The following AASDH variants were observed in gnomAD, a reference collection of about 807,000 sequenced individuals.
The protein encoded by AASDH is beta-alanine-activating enzyme.
AASDH carries 81 observed loss-of-function variants against 102.3 expected under a neutral mutation model. The observed-to-expected ratio is 0.79, with a 90% CI of 0.66 to 0.95. AASDH has a LOEUF of 0.95. Ranked by LOEUF, AASDH falls within the 40% of genes least tolerant of loss-of-function variation. The pLI is 0.00. For synonymous variants in AASDH, 398 were observed against 454.0 expected (o/e 0.88, Z 1.57); for missense variants, 1,203 against 1,266.2 (o/e 0.95, Z 0.76).
rs749719097 is a variant in AASDH at position 56,345,097 on chromosome 4, A to G, written c.2652+30T>C. 13 of 1,610,814 alleles carry G rather than the reference A, an allele frequency of 8.1e-6. No homozygotes were observed. In the South Asian group the frequency reaches 1.4e-4, roughly 18 times the overall value. Reference sequence around the variant, plus strand: ...ACTACCATTACAGGCATGCGCCACCATGCCCAGCTAATTTGAGGTCAATCC... The same window carrying G: ...ACTACCATTACAGGCATGCGCCACCGTGCCCAGCTAATTTGAGGTCAATCC... On this transcript the variant is annotated intron_variant, in intron 12 of 14. Transcript: ENST00000205214.
At chr4:56,369,863 C>T (rs1343203018) in intron 5 of AASDH, among the ~76,000 whole-genome samples, 7 of 151,114 alleles carry the variant, frequency 4.6e-5, no homozygotes, top group African/African-American at 1.7e-4. Context: ...TCTCTTGAGC[C>T]CGGGAGACAG....
In AASDH at chr4:56,354,230, C is replaced by T. The variant is rs780113040; in HGVS notation, c.1211-19G>A. ...CTGCCACCTTCCCAAGATATAAACA[C>T]CAATGTCATAAAAATCCAAGGGAAA... is the stretch of plus-strand genomic sequence containing the variant. On this transcript the variant is annotated intron_variant, in intron 7 of 14. Coordinates refer to ENST00000205214, the MANE Select transcript of AASDH (RefSeq NM_181806.4). 13 of 1,503,420 alleles carry T rather than the reference C, an allele frequency of 8.6e-6. No individual in the cohort carries two copies. The highest frequency in any genetic ancestry group is 7.1e-6 in the Non-Finnish European group (8 of 1,123,394). The allele number at this position is 1,503,420 out of a possible 1,614,324, so 93.1% of individuals were successfully genotyped here.
intron 4 of AASDH, among the ~76,000 whole-genome samples, chr4:56,373,015 G>A (rs1751927984): frequency 2.0e-5 from 3 of 152,174 alleles, no homozygotes; most frequent in South Asian, 2.1e-4. Flanking sequence ...TTCCTCCCAC[G>A]TATAGGGCAG....
chr4:56,345,953 T>G (rs755369719), intron 11 of AASDH, among the ~76,000 whole-genome samples: 7 of 152,198 alleles, frequency 4.6e-5, no homozygotes, highest in African/African-American at 1.7e-4. Flanking sequence ...ACACAGCTCA[T>G]ATGTGGCAAA....
chr4:56,387,202 T>C lies in AASDH; in HGVS notation c.-43+160A>G, dbSNP rs186780957. On this transcript the variant is annotated intron_variant, in intron 1 of 14. Transcript: ENST00000205214. ...GAGTGTACACACAGGTCAGGGTTAG[T>C]CTGCACCACACCAGCACGCCAGACC... Among the ~76,000 whole-genome samples, 288 of 152,254 alleles carry C rather than the reference T, an allele frequency of 1.9e-3. 2 individuals are homozygous for C. Among genetic ancestry groups the C allele is most frequent in the African/African-American group, 6.6e-3 (276 of 41,546 alleles).
At position 56,358,462 on chromosome 4, in the gene AASDH, C is replaced by T. The variant is rs79617296; in HGVS notation, c.862-3039G>A. ...GCATTCAGTCTTTTATCAAGTATGGCGTCATATTACCTGTAGTTCTATTGT... is the reference window on the plus strand; with the variant it reads ...GCATTCAGTCTTTTATCAAGTATGGTGTCATATTACCTGTAGTTCTATTGT... On this transcript the variant is annotated intron_variant, in intron 5 of 14. Transcript: ENST00000205214. Among the ~76,000 whole-genome samples the T allele has an allele frequency of 2.3e-3, 349 of 148,882 alleles. 9 individuals are homozygous for T. The East Asian group carries it at 0.065, about 28-fold the overall frequency.
chr4:56,360,857 C>T (rs79616464), intron 5 of AASDH, among the ~76,000 whole-genome samples: 3,138 of 152,244 alleles, frequency 0.021, 48 homozygotes, highest in South Asian at 0.047. Flanking sequence ...CTCATAGGTA[C>T]TTATGTCCCA....
chr4:56,366,156 C>T (rs1180658475), intron 5 of AASDH, among the ~76,000 whole-genome samples: 2 of 152,130 alleles, frequency 1.3e-5, no homozygotes, highest in African/African-American at 4.8e-5. Flanking sequence ...TACACCCTCC[C>T]AAGACTAAAC....
chr4:56,381,721 T>A (rs1419389067), intron 3 of AASDH: 1 of 149,280 alleles, frequency 6.7e-6, no homozygotes, highest in African/African-American at 2.5e-5. Flanking sequence ...GTTACCCCAA[T>A]ACAAACTGGC....
Position 56,338,910 on chromosome 4 carries a change from A to G in AASDH, c.2908-119T>C, listed in dbSNP as rs1747261726. ...GATATAGGCTATTTGAATGGTAACTATACACAGACAAAATGGCTTTTTCTG... is the reference window on the plus strand; with the variant it reads ...GATATAGGCTATTTGAATGGTAACTGTACACAGACAAAATGGCTTTTTCTG... On this transcript the variant is annotated intron_variant, in intron 14 of 14. Transcript: ENST00000205214. 5 of 999,922 alleles carry G rather than the reference A, an allele frequency of 5.0e-6. No homozygotes were observed. The South Asian group carries it at 8.7e-5, about 17-fold the overall frequency. 61.9% of individuals were successfully genotyped at this position (999,922 alleles called of 1,614,324 possible).
chr4:56,354,125 TCA>T lies in AASDH; in HGVS notation c.1295_1296del (p.Val432GlufsTer23), dbSNP rs1166676679. 6.2e-7 allele frequency: 1 copy of T among 1,613,356 alleles called. No homozygotes were observed. The highest frequency in any genetic ancestry group is 1.3e-5 in the African/African-American group (1 of 74,896). The part of the protein sequence containing the change: ...TMRATGDFVT[V>X]KDGEIFFLGR... ...CCCAAAAAAAAAATCTCTCCATCTT[TCA>T]CAGTCACAAAGTCTCCTGTAGCTCG... On this transcript the variant is annotated frameshift_variant, in exon 8 of 15. Coordinates refer to ENST00000205214, the MANE Select transcript of AASDH (RefSeq NM_181806.4). LOFTEE classifies it high-confidence loss of function.
chr4:56,377,066 C>CAA (rs11364187), intron 4 of AASDH, among the ~76,000 whole-genome samples: 26 of 131,824 alleles, frequency 2.0e-4, no homozygotes, highest in African/African-American at 4.8e-4. Flanking sequence ...GACTCCGTCT[C>CAA]AAAAAAAAAA....
chr4:56,373,023 C>T (rs1052226739), intron 4 of AASDH, among the ~76,000 whole-genome samples: 2 of 152,176 alleles, frequency 1.3e-5, no homozygotes, highest in African/African-American at 4.8e-5. Flanking sequence ...ACGTATAGGG[C>T]AGGACCCTTT....
At chr4:56,378,524 T>A (rs1752613710) in intron 3 of AASDH, 60 bp from the exon 4 acceptor site, 27 of 1,328,052 alleles carry the variant, frequency 2.0e-5, no homozygotes, top group Non-Finnish European at 2.8e-5. Flanking sequence ...TTCTTCTTTA[T>A]ATAGAAGTAA....
rs140595213 is a variant in AASDH at position 56,349,699 on chromosome 4, C to T, written c.2052G>A (p.Gly684=). ...TGGAATTCAGAGACAAAATTTGACTCCCTCTGCTCAGTACAACAAAAGCAT... is the reference window on the plus strand; with the variant it reads ...TGGAATTCAGAGACAAAATTTGACTTCCTCTGCTCAGTACAACAAAAGCAT... ...EINAFVVLSR[G]SQILSLNSTR... is the part of the protein sequence containing the mutation. The change falls in exon 11 of 15, where the codon GGG becomes GGA. Residue 684 remains glycine (G), a synonymous_variant. Coordinates refer to ENST00000205214, the MANE Select transcript of AASDH (RefSeq NM_181806.4). 8.7e-5 allele frequency: 141 copies of T among 1,614,174 alleles called. No individual in the cohort carries two copies. In the African/African-American group the frequency reaches 1.5e-3, roughly 17 times the overall value.
At chr4:56,382,626 G>T in intron 2 of AASDH, 29 bp from the exon 3 acceptor site, 7 of 1,588,602 alleles carry the variant, frequency 4.4e-6, no homozygotes, top group Non-Finnish European at 6.0e-6. Flanking sequence ...AGTCAGCATA[G>T]AATGTCTGTT....
chr4:56,374,738 T>G (rs1752157295), intron 4 of AASDH, among the ~76,000 whole-genome samples: 1 of 152,240 alleles, frequency 6.6e-6, no homozygotes, highest in African/African-American at 2.4e-5. Context: ...AAACTTTTTT[T>G]CTTAATCTGT....
chr4:56,338,959 C>A (rs1747274046), intron 14 of AASDH, among the ~76,000 whole-genome samples, 168 bp from the exon 15 acceptor site: 3 of 152,076 alleles, frequency 2.0e-5, no homozygotes, highest in Non-Finnish European at 4.4e-5. Context: ...TCATACTAGA[C>A]CTCTGTCCCA....
chr4:56,371,649 G>A lies in AASDH; in HGVS notation c.669-6C>T. On this transcript the variant is annotated splice_region_variant and splice_polypyrimidine_tract_variant and intron_variant, in intron 4 of 14. Coordinates refer to ENST00000205214, the MANE Select transcript of AASDH (RefSeq NM_181806.4). ...GTGTGATGTCAAAAAGTACCCTAAG[G>A]CAAAACAGAATGCAGTTATGAGAAA... 1 of 1,597,016 alleles carries A rather than the reference G, an allele frequency of 6.3e-7. No homozygotes were observed. The highest frequency in any genetic ancestry group is 2.2e-5 in the East Asian group (1 of 44,596).
Sources: allele counts gnomAD v4.1 joint callset (sites outside exome capture counted in the v4.1 genomes callset), GRCh38; gene constraint gnomAD v4.1.1; transcripts MANE v1.5; gene names NCBI Gene and HGNC (gene_info 2026-07-23, HGNC 2026-07-21).